Variants in ANKRD36 observed in about 807,000 individuals in gnomAD.
The protein encoded by ANKRD36 is ankyrin repeat domain 36, also known as ankyrin repeat domain-containing protein 36A.
A neutral mutation model predicts 278.1 loss-of-function variants in ANKRD36; 179 were observed. The ratio of observed to expected loss-of-function variants is 0.64; its 90% CI spans 0.57 to 0.73. ANKRD36 has a LOEUF of 0.73. Among genes scored for constraint, ANKRD36 ranks in the 30% least tolerant of loss-of-function variants. ANKRD36 has a pLI of 0.00. For missense variants in ANKRD36, 1,159 were observed against 1,956.7 expected (o/e 0.59, Z 7.69); for synonymous variants, 320 against 641.1 (o/e 0.50, Z 7.57).
intron 22 of ANKRD36, among the ~76,000 whole-genome samples, chr2:97,169,895 G>A (rs1575252119): frequency 6.6e-6 from 1 of 152,230 alleles, no homozygotes; most frequent in African/African-American, 2.4e-5. Flanking sequence ...GACTACCATT[G>A]ACTTTCTTCA....
Position 97,193,914 on chromosome 2 carries a change from C to T in ANKRD36, c.2450-812C>T, listed in dbSNP as rs535774269. 2.8e-3 allele frequency among the ~76,000 whole-genome samples: 418 copies of T among 151,694 alleles called. 1 individual carries two copies. The highest frequency in any genetic ancestry group is 0.014 in the Middle Eastern group (4 of 294). On this transcript the variant is annotated intron_variant, in intron 38 of 75. Transcript: ENST00000420699. ...AAGAATGATGTTGAATTCCAATTAA[C>T]GCCTAAAATAGTCATTTTCAATGAA...
chr2:97,165,992 C>G (rs1006397465), intron 20 of ANKRD36, among the ~76,000 whole-genome samples: 1 of 151,798 alleles, frequency 6.6e-6, no homozygotes, highest in Non-Finnish European at 1.5e-5. Context: ...TGAGCAGAGA[C>G]TATGTCATTG....
At chr2:97,123,762 C>G (rs1559218473) in intron 4 of ANKRD36, among the ~76,000 whole-genome samples, 1 of 130,012 alleles carries the variant, frequency 7.7e-6, no homozygotes, top group African/African-American at 2.7e-5. Flanking sequence ...TAAGTAACAT[C>G]ATATATAATA....
intron 15 of ANKRD36, 91 bp from the exon 16 acceptor site, chr2:97,158,016 A>T: frequency 8.9e-7 from 1 of 1,118,218 alleles, no homozygotes; most frequent in Admixed American, 2.3e-5. Flanking sequence ...TTCAAAGTCC[A>T]TCCTTTTTGT....
chr2:97,153,736 T>C (rs2046713635), intron 14 of ANKRD36, among the ~76,000 whole-genome samples: 1 of 147,434 alleles, frequency 6.8e-6, no homozygotes, highest in Non-Finnish European at 1.5e-5. Context: ...CCAATGAAAG[T>C]GGATAAGAAT....
intron 10 of ANKRD36, 128 bp from the exon 11 acceptor site, chr2:97,146,358 T>C: frequency 3.0e-6 from 2 of 662,318 alleles, no homozygotes; most frequent in Non-Finnish European, 4.6e-6. Flanking sequence ...GCTTCTCAAG[T>C]GATATTTCTG....
intron 17 of ANKRD36, among the ~76,000 whole-genome samples, chr2:97,159,591 G>T (rs1427539499): frequency 6.6e-6 from 1 of 151,480 alleles, no homozygotes; most frequent in Non-Finnish European, 1.5e-5. Context: ...ATTACTTTTT[G>T]ACTCTTGTTA....
chr2:97,152,262 G>A (rs1559357840), intron 13 of ANKRD36, among the ~76,000 whole-genome samples: 3 of 146,530 alleles, frequency 2.0e-5, no homozygotes, highest in African/African-American at 7.3e-5. Context: ...CAAGCTGCTA[G>A]GATTACAGGC....
At chr2:97,175,524 T>C (rs1370163270) in intron 22 of ANKRD36, among the ~76,000 whole-genome samples, 1 of 152,010 alleles carries the variant, frequency 6.6e-6, no homozygotes, top group Non-Finnish European at 1.5e-5. Context: ...TTTTTTTCTT[T>C]ATTAGTCTTG....
At chr2:97,194,666 T>A in intron 38 of ANKRD36, 60 bp from the exon 39 acceptor site, 2 of 1,594,524 alleles carry the variant, frequency 1.3e-6, no homozygotes, top group Non-Finnish European at 1.7e-6. Context: ...ACTGTGTGAA[T>A]GTATGGATAA....
chr2:97,207,776 C>G (rs2063276566), intron 52 of ANKRD36, 35 bp from the exon 53 acceptor site: 1 of 1,544,148 alleles, frequency 6.5e-7, no homozygotes, highest in Non-Finnish European at 8.7e-7. Flanking sequence ...GTCATTTTTA[C>G]ACATGAGTGA....
intron 22 of ANKRD36, among the ~76,000 whole-genome samples, chr2:97,173,593 T>G (rs1026362531): frequency 7.9e-5 from 12 of 151,774 alleles, no homozygotes; most frequent in Admixed American, 4.0e-4. Flanking sequence ...GTGAAAATAA[T>G]GAAGAAACGA....
At chr2:97,127,910 T>C (rs183378487) in intron 6 of ANKRD36, among the ~76,000 whole-genome samples, 1 of 152,126 alleles carries the variant, frequency 6.6e-6, no homozygotes, top group East Asian at 1.9e-4. Context: ...GCCATGTTGA[T>C]CTAGGAAATA....
At position 97,149,596 on chromosome 2, in the gene ANKRD36, G is replaced by A. The variant is rs374886084; in HGVS notation, c.1101+235G>A. Among the ~76,000 whole-genome samples, 9 of 151,888 alleles carry A rather than the reference G, an allele frequency of 5.9e-5. No homozygotes were observed. In the South Asian group the frequency reaches 1.9e-3, roughly 32 times the overall value. ...AGGTGTGATCTGAAAAAAAATTGCT[G>A]GAAAATACACAGTGACAGAAAAATG... On this transcript the variant is annotated intron_variant, in intron 12 of 75. Transcript: ENST00000420699.
chr2:97,154,594 C>G lies in ANKRD36; in HGVS notation c.1194-81C>G. 4.3e-6 allele frequency: 5 copies of G among 1,155,528 alleles called. 1 individual carries two copies. The highest frequency in any genetic ancestry group is 6.1e-6 in the Non-Finnish European group (5 of 820,062). 71.6% of individuals were successfully genotyped at this position (1,155,528 alleles called of 1,614,324 possible). ...GTTTTACCATTTTTTTTGGAGGGGA[C>G]CTGCATGTATAGACTGACGGTTTTT... On this transcript the variant is annotated intron_variant, in intron 14 of 75. Transcript: ENST00000420699.
intron 14 of ANKRD36, among the ~76,000 whole-genome samples, chr2:97,152,917 A>G (rs1369772517): frequency 6.6e-6 from 1 of 150,894 alleles, no homozygotes; most frequent in East Asian, 1.9e-4. Context: ...TTATATATTA[A>G]CTGTCTTTAG....
intron 66 of ANKRD36, among the ~76,000 whole-genome samples, chr2:97,220,377 T>C (rs2067083526): frequency 6.6e-6 from 1 of 150,474 alleles, no homozygotes; most frequent in Admixed American, 6.6e-5. Context: ...GCATCCTCAT[T>C]TCCTACCACC....
chr2:97,195,365 T>A (rs2059476857), intron 40 of ANKRD36, among the ~76,000 whole-genome samples: 1 of 151,960 alleles, frequency 6.6e-6, no homozygotes, highest in African/African-American at 2.4e-5. Flanking sequence ...ATTTTCTGAA[T>A]GAAGACGGAT....
At chr2:97,210,811 GT>G (rs1481791214) in intron 56 of ANKRD36, among the ~76,000 whole-genome samples, 1 of 151,850 alleles carries the variant, frequency 6.6e-6, no homozygotes. Context: ...GCTTGTAGCA[GT>G]TTTACTTTGA....
Sources: allele counts gnomAD v4.1 joint callset (sites outside exome capture counted in the v4.1 genomes callset), GRCh38; gene constraint gnomAD v4.1.1; transcripts MANE v1.5; gene names NCBI Gene and HGNC (gene_info 2026-07-23, HGNC 2026-07-21).